The following LIMCH1 variants were observed in gnomAD, a reference collection of about 807,000 sequenced individuals.
LIMCH1 encodes LIM and calponin homology domains 1.
A neutral mutation model predicts 176.5 loss-of-function variants in LIMCH1; 113 were observed. That is an observed-to-expected ratio of 0.64 (90% confidence interval 0.55 to 0.75). The LOEUF (loss-of-function observed/expected upper bound fraction) is 0.75. Ranked by LOEUF, LIMCH1 falls within the 30% of genes least tolerant of loss-of-function variation. The pLI is 0.00. For missense variants in LIMCH1, 1,674 were observed against 1,814.9 expected (o/e 0.92, Z 1.41); for synonymous variants, 619 against 645.9 (o/e 0.96, Z 0.63).
chr4:41,557,815 G>A (rs2081485666), intron 1 of LIMCH1, among the ~76,000 whole-genome samples: 2 of 152,148 alleles, frequency 1.3e-5, no homozygotes, highest in African/African-American at 4.8e-5. Context: ...TAGTGAAGGT[G>A]GCTACAATCA....
At chr4:41,629,450 T>G in intron 8 of LIMCH1, 42 bp from the exon 9 acceptor site, 1 of 1,530,894 alleles carries the variant, frequency 6.5e-7, no homozygotes, top group Non-Finnish European at 8.7e-7. Flanking sequence ...TTCCTTGAAC[T>G]TGATTTTTCC....
chr4:41,659,709 C>T (rs2094557627), intron 18 of LIMCH1, among the ~76,000 whole-genome samples: 1 of 152,142 alleles, frequency 6.6e-6, no homozygotes, highest in Admixed American at 6.5e-5. Flanking sequence ...ATTTCATACA[C>T]ACTTTAAAAT....
intron 1 of LIMCH1, among the ~76,000 whole-genome samples, chr4:41,443,857 T>C (rs1288847181): frequency 6.6e-6 from 1 of 152,206 alleles, no homozygotes; most frequent in East Asian, 1.9e-4. Flanking sequence ...GAACTATTCA[T>C]ATAAGCAACT....
chr4:41,626,640 C>A, intron 7 of LIMCH1, 68 bp from the exon 8 acceptor site: 1 of 1,276,920 alleles, frequency 7.8e-7, no homozygotes, highest in Non-Finnish European at 1.1e-6. Flanking sequence ...AGTTGTCTGT[C>A]TAGAGATGGA....
chr4:41,380,385 A>G (rs1396872019), intron 1 of LIMCH1, among the ~76,000 whole-genome samples: 19 of 151,568 alleles, frequency 1.3e-4, no homozygotes, highest in Non-Finnish European at 7.4e-5. Flanking sequence ...CCTGGCCTCA[A>G]GCAATCCTGC....
At chr4:41,513,094 AT>A (rs2152365092) in intron 2 of LIMCH1, among the ~76,000 whole-genome samples, 1 of 152,348 alleles carries the variant, frequency 6.6e-6, no homozygotes, top group African/African-American at 2.4e-5. Flanking sequence ...TCATAGATTG[AT>A]ATTTATATTG....
chr4:41,677,940 AT>A (rs1241815162), intron 23 of LIMCH1, among the ~76,000 whole-genome samples: 1 of 152,030 alleles, frequency 6.6e-6, no homozygotes, highest in Non-Finnish European at 1.5e-5. Flanking sequence ...ACGTTTGTTC[AT>A]TTTTTAAATT....
chr4:41,394,639 A>T (rs1581469222), intron 1 of LIMCH1, among the ~76,000 whole-genome samples: 1 of 152,170 alleles, frequency 6.6e-6, no homozygotes, highest in African/African-American at 2.4e-5. Flanking sequence ...CTGACCTTTA[A>T]TTCAAGATTC....
chr4:41,646,337 T>C, intron 16 of LIMCH1, 57 bp downstream of exon 16: 2 of 1,539,114 alleles, frequency 1.3e-6, no homozygotes, highest in African/African-American at 1.4e-5. Context: ...GTTTTTTTTT[T>C]CTAAAAATTA....
At chr4:41,644,184 A>C (rs77977572) in intron 14 of LIMCH1, among the ~76,000 whole-genome samples, 2,881 of 152,334 alleles carry the variant, frequency 0.019, 32 homozygotes, top group Non-Finnish European at 0.023. Context: ...GGGGCTTCAA[A>C]TACCATTTTT....
At chr4:41,559,636 C>T (rs932800584) in intron 1 of LIMCH1, among the ~76,000 whole-genome samples, 3 of 152,152 alleles carry the variant, frequency 2.0e-5, no homozygotes, top group African/African-American at 7.2e-5. Context: ...AGCCTGACTT[C>T]CACTGCTTCA....
rs1268062285 is a variant in LIMCH1 at position 41,539,343 on chromosome 4, C to T, written c.-241+993C>T. Among the ~76,000 whole-genome samples the T allele has an allele frequency of 2.6e-5, 4 of 152,078 alleles. 1 individual carries two copies. In the South Asian group the frequency reaches 6.2e-4, roughly 24 times the overall value. On this transcript the variant is annotated intron_variant, in intron 1 of 31. Transcript: ENST00000503057. ...GGGAGAAGGGGTTTGTCCTGTGCTG[C>T]GCGGGTGGGTTCCGCACAAGGTGAA...
intron 1 of LIMCH1, among the ~76,000 whole-genome samples, chr4:41,376,364 A>C (rs966922716): frequency 1.3e-5 from 2 of 152,186 alleles, no homozygotes; most frequent in Non-Finnish European, 2.9e-5. Context: ...ACTATTAGAA[A>C]TTTTGAGGTT....
chr4:41,636,876 C>T (rs752293886), intron 13 of LIMCH1, among the ~76,000 whole-genome samples: 4 of 152,166 alleles, frequency 2.6e-5, no homozygotes, highest in African/African-American at 7.2e-5. Context: ...AATCACTCAA[C>T]GCTAATCTAT....
intron 1 of LIMCH1, among the ~76,000 whole-genome samples, chr4:41,437,353 C>T (rs1466463056): frequency 6.6e-6 from 1 of 152,206 alleles, no homozygotes. Flanking sequence ...CTTGGCATTA[C>T]TGGGCTTTCC....
At chr4:41,375,364 A>G (rs535542757) in intron 1 of LIMCH1, among the ~76,000 whole-genome samples, 2 of 152,294 alleles carry the variant, frequency 1.3e-5, no homozygotes, top group South Asian at 2.1e-4. Flanking sequence ...GGGTTCTATT[A>G]GGTGTAAAAA....
At chr4:41,396,653 C>A (rs112604509) in intron 1 of LIMCH1, among the ~76,000 whole-genome samples, 145 of 152,028 alleles carry the variant, frequency 9.5e-4, no homozygotes, top group Non-Finnish European at 1.8e-3. Flanking sequence ...GTAATCCCAG[C>A]GCTTTGGGAG....
At chr4:41,378,176 T>C (rs574073670) in intron 1 of LIMCH1, among the ~76,000 whole-genome samples, 9 of 152,268 alleles carry the variant, frequency 5.9e-5, no homozygotes, top group African/African-American at 2.2e-4. Context: ...AGCTGGGACA[T>C]AGCACATGGA....
At chr4:41,418,198 T>G (rs941286305) in intron 1 of LIMCH1, among the ~76,000 whole-genome samples, 26 of 152,218 alleles carry the variant, frequency 1.7e-4, no homozygotes, top group African/African-American at 6.3e-4. Flanking sequence ...TCAGTGACTG[T>G]AAAAAAGACT....
Sources: allele counts gnomAD v4.1 joint callset (sites outside exome capture counted in the v4.1 genomes callset), GRCh38; gene constraint gnomAD v4.1.1; transcripts MANE v1.5; gene names NCBI Gene and HGNC (gene_info 2026-07-23, HGNC 2026-07-21).